CRYBB2: variants seen among roughly 807,000 people sequenced by gnomAD.
CRYBB2 encodes the protein crystallin beta B2, also known as beta-crystallin B2.
A neutral mutation model predicts 24.3 loss-of-function variants in CRYBB2; 12 were observed. The ratio of observed to expected loss-of-function variants is 0.49; its 90% CI spans 0.32 to 0.80. The LOEUF is 0.80. Ranked by LOEUF, CRYBB2 falls within the 30% of genes least tolerant of loss-of-function variation. CRYBB2 has a pLI of 0.04. For synonymous variants in CRYBB2, 98 were observed against 101.6 expected (o/e 0.96, Z 0.21); for missense variants, 198 against 268.5 (o/e 0.74, Z 1.83).
chr22:25,214,069 T>C (rs1430132650), intron 1 of CRYBB2, among the ~76,000 whole-genome samples: 9 of 152,198 alleles, frequency 5.9e-5, no homozygotes, highest in Non-Finnish European at 2.9e-5. Flanking sequence ...CCAGGTGCAG[T>C]GGCCCATGAC....
In CRYBB2 at chr22:25,231,824, C is replaced by G; in HGVS notation, c.*52C>G. Reference sequence around the variant, plus strand: ...AGGACCCAGGTCTGCTGCCCAGGAACCCTCCAGACCTCCCAGAGAGTGAAT... The same window carrying G: ...AGGACCCAGGTCTGCTGCCCAGGAAGCCTCCAGACCTCCCAGAGAGTGAAT... On this transcript the variant is annotated 3_prime_UTR_variant, in exon 6 of 6. Coordinates refer to ENST00000398215, the MANE Select transcript of CRYBB2 (RefSeq NM_000496.3). 6.5e-7 allele frequency: 1 copy of G among 1,546,110 alleles called. No individual in the cohort carries two copies. The highest frequency in any genetic ancestry group is 8.9e-7 in the Non-Finnish European group (1 of 1,118,182).
chr22:25,218,272 A>T (rs2146083429), upstream of CRYBB2, among the ~76,000 whole-genome samples: 1 of 144,406 alleles, frequency 6.9e-6, no homozygotes, highest in Admixed American at 6.9e-5. Flanking sequence ...AAAAAAAAAA[A>T]TAGAAAAGAA....
In CRYBB2 at chr22:25,221,420, A is replaced by G. The variant is rs757178064; in HGVS notation, c.-10A>G. 7 of 1,613,102 alleles carry G rather than the reference A, an allele frequency of 4.3e-6. No individual in the cohort carries two copies. Among genetic ancestry groups the G allele is most frequent in the Middle Eastern group, 1.7e-4 (1 of 6,060 alleles). ...GTCTTCCAGGTCATTCCTGCACAGG[A>G]CAGTCCACCATGGCCTCAGATCACC... is the stretch of plus-strand genomic sequence containing the variant. On this transcript the variant is annotated 5_prime_UTR_variant, in exon 2 of 6. Coordinates refer to ENST00000398215, the MANE Select transcript of CRYBB2 (RefSeq NM_000496.3).
chr22:25,227,325 CAG>C (rs1235194678), intron 3 of CRYBB2, among the ~76,000 whole-genome samples: 1 of 152,040 alleles, frequency 6.6e-6, no homozygotes. Flanking sequence ...AGAGAAGAAA[CAG>C]ATCCAAAGAG....
At chr22:25,223,587 G>T (rs879483115) in intron 2 of CRYBB2, among the ~76,000 whole-genome samples, 3 of 152,178 alleles carry the variant, frequency 2.0e-5, no homozygotes, top group Non-Finnish European at 4.4e-5. Context: ...ACCGTAAAGG[G>T]CTGGGTCACT....
At chr22:25,211,995 C>T (rs370162647), upstream of CRYBB2, among the ~76,000 whole-genome samples, 14 of 152,358 alleles carry the variant, frequency 9.2e-5, no homozygotes, top group East Asian at 2.7e-3. Context: ...GTTGCCTCAT[C>T]TGTAACATGG....
At chr22:25,225,704 T>C (rs1340068677) in intron 3 of CRYBB2, among the ~76,000 whole-genome samples, 1 of 152,206 alleles carries the variant, frequency 6.6e-6, no homozygotes, top group Non-Finnish European at 1.5e-5. Context: ...GAATGTCCGC[T>C]GGTGGCCAGT....
intron 2 of CRYBB2, among the ~76,000 whole-genome samples, chr22:25,222,155 G>A (rs563187168): frequency 6.6e-6 from 1 of 152,262 alleles, no homozygotes; most frequent in South Asian, 2.1e-4. Flanking sequence ...TCCCTGCTTT[G>A]GTAGCCCCGG....
chr22:25,218,820 A>AAAGAAAG (rs1569016436), upstream of CRYBB2, among the ~76,000 whole-genome samples: 3 of 91,088 alleles, frequency 3.3e-5, no homozygotes, highest in Admixed American at 1.0e-4. Context: ...GAAAGAAAGA[A>AAAGAAAG]AGAAAGAAAG....
chr22:25,227,964 C>T lies in CRYBB2; in HGVS notation c.285C>T (p.Ser95=). The T allele has an allele frequency of 6.2e-7, 1 of 1,614,166 alleles. No individual in the cohort carries two copies. Among genetic ancestry groups the T allele is most frequent in the Non-Finnish European group, 8.5e-7 (1 of 1,180,030 alleles). ...GCAGCCGAAGGACGGACTCCCTCAG[C>T]TCCCTGAGGCCCATCAAAGTGGTGA... ...WTSSRRTDSL[S]SLRPIKVDSQ... is the part of the protein sequence containing the mutation. Residue 95 remains serine (S), a synonymous_variant, in exon 4 of 6, where the codon AGC becomes AGT. Transcript: ENST00000398215.
In CRYBB2 at chr22:25,225,341, G is replaced by C. The variant is rs559114657; in HGVS notation, c.173+305G>C. 1.1e-4 allele frequency among the ~76,000 whole-genome samples: 17 copies of C among 152,260 alleles called. No individual in the cohort carries two copies. The South Asian group carries it at 2.9e-3, about 26-fold the overall frequency. On this transcript the variant is annotated intron_variant, in intron 3 of 5. Coordinates refer to ENST00000398215, the MANE Select transcript of CRYBB2 (RefSeq NM_000496.3). ...AGGGAGAGGGTCATGTGGAAAGCCT[G>C]ATACAGAGGTCAGCCACTTCCTCAA...
At chr22:25,219,049 T>C (rs1473881565), upstream of CRYBB2, among the ~76,000 whole-genome samples, 2 of 152,114 alleles carry the variant, frequency 1.3e-5, no homozygotes, top group African/African-American at 4.8e-5. Flanking sequence ...TCCTTGTATA[T>C]GGACCCTTTC....
Position 25,224,908 on chromosome 22 carries a change from C to T in CRYBB2, c.55-10C>T. ...CGTGATGAGGGTCTGAGTCTCGCTT[C>T]CTCTTGCAGATCATCATCTTTGAGC... On this transcript the variant is annotated splice_polypyrimidine_tract_variant and intron_variant, in intron 2 of 5. Transcript: ENST00000398215. 1 of 1,450,940 alleles carries T rather than the reference C, an allele frequency of 6.9e-7. No individual in the cohort carries two copies. The highest frequency in any genetic ancestry group is 1.1e-5 in the South Asian group (1 of 87,904). The allele number at this position is 1,450,940 out of a possible 1,614,324, so 89.9% of individuals were successfully genotyped here.
chr22:25,218,779 G>GAAAGAAAGA (rs376967033), upstream of CRYBB2, among the ~76,000 whole-genome samples: 59 of 34,464 alleles, frequency 1.7e-3, 2 homozygotes, highest in East Asian at 5.2e-3. Context: ...GAGAGAGAGA[G>GAAAGAAAGA]AAGAAAGAAA....
At chr22:25,218,408 G>A (rs1935216350), upstream of CRYBB2, among the ~76,000 whole-genome samples, 1 of 151,916 alleles carries the variant, frequency 6.6e-6, no homozygotes, top group Non-Finnish European at 1.5e-5. Flanking sequence ...TGGAATCCCA[G>A]CACTTTAGGA....
At chr22:25,218,755 GA>G (rs1935240060), upstream of CRYBB2, among the ~76,000 whole-genome samples, 1 of 37,806 alleles carries the variant, frequency 2.6e-5, no homozygotes, top group African/African-American at 1.5e-4. Context: ...GAGAGAGAGA[GA>G]GAGAGAGAGA....
At chr22:25,231,102 C>T (rs1935523548) in intron 5 of CRYBB2, among the ~76,000 whole-genome samples, 1 of 152,160 alleles carries the variant, frequency 6.6e-6, no homozygotes, top group African/African-American at 2.4e-5. Flanking sequence ...CAGGTCCTTG[C>T]AGGCCAGGCC....
At chr22:25,216,166 T>G (rs1312198050), upstream of CRYBB2, among the ~76,000 whole-genome samples, 1 of 152,224 alleles carries the variant, frequency 6.6e-6, no homozygotes, top group Non-Finnish European at 1.5e-5. Context: ...TCAACAAATA[T>G]TAACTGAGGT....
chr22:25,228,644 C>A (rs912295938), intron 4 of CRYBB2, among the ~76,000 whole-genome samples: 17 of 152,190 alleles, frequency 1.1e-4, no homozygotes, highest in Non-Finnish European at 2.4e-4. Context: ...GACTTGGCAC[C>A]CCACAGACCT....
Sources: gnomAD v4.1 joint callset for allele counts (sites outside exome capture counted in the v4.1 genomes callset) on GRCh38, gnomAD v4.1.1 for gene constraint, MANE v1.5 for transcripts, NCBI Gene and HGNC (gene_info 2026-07-23, HGNC 2026-07-21) for gene names.